The following CSMD1 variants were observed in gnomAD, a reference collection of about 807,000 sequenced individuals.
CSMD1 encodes CUB and sushi domain-containing protein 1.
Under a neutral mutation model 417.5 loss-of-function variants are expected in CSMD1, and 213 were observed. The observed-to-expected ratio is 0.51, with a 90% CI of 0.46 to 0.57. The LOEUF (loss-of-function observed/expected upper bound fraction) is 0.57. CSMD1 is among the 20% of genes least tolerant of loss of function. The probability of loss-of-function intolerance (pLI) is 0.00; values close to 1 mark genes in which losing one functional copy is unlikely to be tolerated. For synonymous variants in CSMD1, 2,862 were observed against 1,736.8 expected (o/e 1.65, Z -16.11); for missense variants, 6,923 against 4,529.7 (o/e 1.53, Z -15.17).
At chr8:4,464,557 G>T (rs559429501) in intron 2 of CSMD1, among the ~76,000 whole-genome samples, 1 of 152,110 alleles carries the variant, frequency 6.6e-6, no homozygotes, top group Non-Finnish European at 1.5e-5. Flanking sequence ...AAAGCAGAAT[G>T]GTCGTATGGG....
At chr8:3,820,735 C>G (rs1350185049) in intron 5 of CSMD1, among the ~76,000 whole-genome samples, 3 of 152,122 alleles carry the variant, frequency 2.0e-5, no homozygotes, top group Non-Finnish European at 4.4e-5. Context: ...GCCACCGTGC[C>G]TGGCAAATTG....
chr8:3,065,374 G>T (rs1346956732), intron 49 of CSMD1, among the ~76,000 whole-genome samples: 1 of 151,814 alleles, frequency 6.6e-6, no homozygotes, highest in South Asian at 2.1e-4. Flanking sequence ...AGATAAATAG[G>T]TCAAAAGAAA....
chr8:4,788,454 G>C, intron 1 of CSMD1: 2 of 1,326,550 alleles, frequency 1.5e-6, no homozygotes, highest in South Asian at 1.2e-5. Flanking sequence ...TCTCCAGAAG[G>C]ATCAGCTCAA....
intron 6 of CSMD1, among the ~76,000 whole-genome samples, chr8:3,750,193 G>A (rs189216950): frequency 1.7e-4 from 26 of 151,922 alleles, no homozygotes; most frequent in South Asian, 4.2e-4. Flanking sequence ...TAACACTGAC[G>A]GAATTTTTGT....
intron 1 of CSMD1, among the ~76,000 whole-genome samples, chr8:4,700,761 C>T (rs1296757274): frequency 6.6e-6 from 1 of 151,702 alleles, no homozygotes; most frequent in African/African-American, 2.4e-5. Flanking sequence ...ACTTACGCTG[C>T]AATAAAAATG....
At chr8:4,985,420 C>T (rs945956052) in intron 1 of CSMD1, among the ~76,000 whole-genome samples, 4 of 152,082 alleles carry the variant, frequency 2.6e-5, no homozygotes, top group Admixed American at 1.3e-4. Flanking sequence ...AGGGCCCATG[C>T]GTTACAGTTA....
chr8:3,788,893 G>A (rs1799583817), intron 5 of CSMD1, among the ~76,000 whole-genome samples: 1 of 152,148 alleles, frequency 6.6e-6, no homozygotes, highest in African/African-American at 2.4e-5. Flanking sequence ...AAGAAACACA[G>A]GCTCAGAGGA....
chr8:3,759,714 T>C (rs1348680061), intron 5 of CSMD1, among the ~76,000 whole-genome samples: 2 of 137,876 alleles, frequency 1.5e-5, no homozygotes, highest in Non-Finnish European at 3.1e-5. Flanking sequence ...AGCAATATGG[T>C]GAAACACCAC....
chr8:3,249,195 G>C (rs1029052437), intron 26 of CSMD1, among the ~76,000 whole-genome samples: 2 of 152,110 alleles, frequency 1.3e-5, no homozygotes, highest in Non-Finnish European at 2.9e-5. Context: ...GAAGAATCAA[G>C]ATGCACTGTG....
intron 5 of CSMD1, among the ~76,000 whole-genome samples, chr8:3,958,434 C>T (rs532688460): frequency 3.5e-4 from 53 of 150,934 alleles, no homozygotes; most frequent in African/African-American, 1.3e-3. Context: ...AGCATGTGCA[C>T]GTTTTTGAAA....
chr8:3,451,916 A>AT (rs1266643677), intron 12 of CSMD1, among the ~76,000 whole-genome samples: 1 of 152,142 alleles, frequency 6.6e-6, no homozygotes, highest in Non-Finnish European at 1.5e-5. Context: ...CAGTATGGCC[A>AT]TTTTCACGAC....
At chr8:4,992,503 G>A (rs893880264) in intron 1 of CSMD1, among the ~76,000 whole-genome samples, 7 of 152,168 alleles carry the variant, frequency 4.6e-5, no homozygotes, top group Non-Finnish European at 1.0e-4. Context: ...GAAGTTTTGC[G>A]GAGTTGCGTG....
chr8:4,112,346 A>G (rs1443776929), intron 3 of CSMD1, among the ~76,000 whole-genome samples: 1 of 152,190 alleles, frequency 6.6e-6, no homozygotes, highest in Non-Finnish European at 1.5e-5. Context: ...GCCTGTGATG[A>G]GGCTAGGGCT....
At chr8:3,311,502 G>T (rs566777555) in intron 23 of CSMD1, among the ~76,000 whole-genome samples, 6 of 147,442 alleles carry the variant, frequency 4.1e-5, no homozygotes, top group Non-Finnish European at 8.8e-5. Context: ...TGCTTGCCTC[G>T]GTCTCCGAAA....
At chr8:4,359,923 T>A (rs1801655955) in intron 3 of CSMD1, among the ~76,000 whole-genome samples, 1 of 152,170 alleles carries the variant, frequency 6.6e-6, no homozygotes, top group African/African-American at 2.4e-5. Flanking sequence ...AACATCAACG[T>A]TCAGTGAAAG....
intron 1 of CSMD1, among the ~76,000 whole-genome samples, chr8:4,953,047 G>A (rs75480571): frequency 0.059 from 7,450 of 125,968 alleles, 207 homozygotes; most frequent in Middle Eastern, 0.082. Context: ...CCATTAATAC[G>A]TGAGCAGATG....
intron 3 of CSMD1, among the ~76,000 whole-genome samples, chr8:4,303,080 C>G (rs187440988): frequency 3.3e-5 from 5 of 152,014 alleles, no homozygotes; most frequent in African/African-American, 9.7e-5. Context: ...TGATTTTACA[C>G]AGACAATTTT....
chr8:4,161,766 C>T (rs948118030), intron 3 of CSMD1, among the ~76,000 whole-genome samples: 2 of 152,110 alleles, frequency 1.3e-5, no homozygotes, highest in African/African-American at 4.8e-5. Flanking sequence ...TTCAAGGAAT[C>T]AGATATTTTG....
At chr8:3,313,691 C>T (rs948669877) in intron 23 of CSMD1, among the ~76,000 whole-genome samples, 4 of 152,120 alleles carry the variant, frequency 2.6e-5, no homozygotes, top group African/African-American at 9.7e-5. Context: ...ACGAGTTCAA[C>T]CATTGTGGAA....
Sources: allele counts gnomAD v4.1 joint callset (sites outside exome capture counted in the v4.1 genomes callset), GRCh38; gene constraint gnomAD v4.1.1; transcripts MANE v1.5; gene names NCBI Gene and HGNC (gene_info 2026-07-23, HGNC 2026-07-21).